Variants in CACNA1I observed in about 807,000 individuals in gnomAD.
The protein encoded by CACNA1I is calcium voltage-gated channel subunit alpha1 I.
A neutral mutation model predicts 201.6 loss-of-function variants in CACNA1I; 74 were observed. The observed-to-expected ratio is 0.37, with a 90% CI of 0.30 to 0.45. The LOEUF (loss-of-function observed/expected upper bound fraction) is 0.45, where lower values mean the gene tolerates loss of function less well. CACNA1I is among the 20% of genes least tolerant of loss of function. The probability of loss-of-function intolerance (pLI) is 1.00; values close to 1 mark genes in which losing one functional copy is unlikely to be tolerated. For synonymous variants in CACNA1I, 1,431 were observed against 1,345.2 expected (o/e 1.06, Z -1.40); for missense variants, 2,346 against 3,138.1 (o/e 0.75, Z 6.03).
intron 1 of CACNA1I, among the ~76,000 whole-genome samples, chr22:39,574,743 T>TC (rs1316668247): frequency 6.6e-6 from 1 of 152,198 alleles, no homozygotes; most frequent in Non-Finnish European, 1.5e-5. Flanking sequence ...GGCGACTCTT[T>TC]CCCCCACTGA....
intron 18 of CACNA1I, 140 bp from the exon 19 acceptor site, chr22:39,663,578 C>T (rs912744180): frequency 6.3e-5 from 61 of 965,132 alleles, no homozygotes; most frequent in African/African-American, 2.8e-4. Context: ...GGTGTAGAGT[C>T]GGCACCTGGC....
chr22:39,612,789 A>G (rs1454680635), intron 3 of CACNA1I, among the ~76,000 whole-genome samples: 1 of 152,184 alleles, frequency 6.6e-6, no homozygotes, highest in Non-Finnish European at 1.5e-5. Context: ...GGCCACAGTC[A>G]AGGGTTAATG....
rs1935811191 is a variant in CACNA1I at position 39,684,861 on chromosome 22, G to GGTGGGTGTGA, written c.6027+369_6027+378dup. On this transcript the variant is annotated intron_variant, in intron 36 of 36. Coordinates refer to ENST00000402142, the MANE Select transcript of CACNA1I (RefSeq NM_021096.4). The surrounding 1 kb of genome is among the most constrained non-coding windows in gnomAD (Gnocchi z 4.6). ...TGGGGAGGACACCCTGGGTGCTCTG[G>GGTGGGTGTGA]GTGGGTGTGAGTGGGGGCTTGATTA... 3 of 510,134 alleles carry GGTGGGTGTGA rather than the reference G, an allele frequency of 5.9e-6. No homozygotes were observed. The highest frequency in any genetic ancestry group is 5.0e-4 in the Middle Eastern group (1 of 1,986). 31.6% of individuals were successfully genotyped at this position (510,134 alleles called of 1,614,324 possible).
At chr22:39,642,910 G>A in intron 7 of CACNA1I, 21 bp downstream of exon 7, 2 of 1,518,134 alleles carry the variant, frequency 1.3e-6, no homozygotes, top group African/African-American at 1.4e-5. Flanking sequence ...GGGAGCCTGG[G>A]CTCCTAGGTG....
At position 39,629,393 on chromosome 22, in the gene CACNA1I, T is replaced by C. The variant is rs2146406006; in HGVS notation, c.581-5172T>C. On this transcript the variant is annotated intron_variant, in intron 4 of 36. Coordinates refer to ENST00000402142, the MANE Select transcript of CACNA1I (RefSeq NM_021096.4). The surrounding 1 kb of genome is among the most constrained non-coding windows in gnomAD (Gnocchi z 4.8). ...CTTGGAGTCGTCCCCAACTGCCCTC[T>C]TCCTCCTACATCCATATCCCATCCC... Among the ~76,000 whole-genome samples, 1 of 152,032 alleles carries C rather than the reference T, an allele frequency of 6.6e-6. No homozygotes were observed. Among genetic ancestry groups the C allele is most frequent in the Non-Finnish European group, 1.5e-5 (1 of 67,976 alleles).
At chr22:39,661,348 G>T in intron 16 of CACNA1I, 38 bp downstream of exon 16, 1 of 1,465,660 alleles carries the variant, frequency 6.8e-7, no homozygotes, top group Non-Finnish European at 9.1e-7. Flanking sequence ...GGCGCTTCCT[G>T]CTGGGGTGTG....
intron 1 of CACNA1I, among the ~76,000 whole-genome samples, chr22:39,585,727 GTTTTTTT>G (rs34320968): frequency 1.2e-5 from 1 of 83,906 alleles, no homozygotes; most frequent in East Asian, 4.2e-4. Context: ...AACTTTTAAA[GTTTTTTT>G]TTTTTTTTTT....
Position 39,677,464 on chromosome 22 carries a change from C to T in CACNA1I, c.4933+45C>T. 2 of 1,351,340 alleles carry T rather than the reference C, an allele frequency of 1.5e-6. No homozygotes were observed. The highest frequency in any genetic ancestry group is 2.0e-6 in the Non-Finnish European group (2 of 998,478). The allele number at this position is 1,351,340 out of a possible 1,614,324, so 83.7% of individuals were successfully genotyped here. On this transcript the variant is annotated intron_variant, in intron 30 of 36. Transcript: ENST00000402142. The surrounding 1 kb of genome is among the most constrained non-coding windows in gnomAD (Gnocchi z 4.8). ...GGCCCGTGGTGGGGGTGCAGCAGGG[C>T]TGCAGGAGGAACTGGGGGGGCGGGG...
At chr22:39,573,959 C>T (rs535406284) in intron 1 of CACNA1I, among the ~76,000 whole-genome samples, 7 of 152,238 alleles carry the variant, frequency 4.6e-5, no homozygotes, top group African/African-American at 1.7e-4. Flanking sequence ...CTGCGCAGAG[C>T]GAGGGTTCCC....
At chr22:39,682,732 G>A in intron 35 of CACNA1I, 71 bp downstream of exon 35, 9 of 1,378,448 alleles carry the variant, frequency 6.5e-6, no homozygotes, top group South Asian at 1.4e-5. Flanking sequence ...GGAGATGGCT[G>A]AGTTTTTTCC....
intron 2 of CACNA1I, among the ~76,000 whole-genome samples, chr22:39,599,280 C>T (rs1569055238): frequency 1.3e-5 from 2 of 149,774 alleles, no homozygotes; most frequent in Non-Finnish European, 3.0e-5. Flanking sequence ...GACTCAGTAG[C>T]TCCCAGGCAG....
intron 1 of CACNA1I, among the ~76,000 whole-genome samples, chr22:39,572,207 G>A (rs1168306433): frequency 6.6e-6 from 1 of 152,178 alleles, no homozygotes; most frequent in East Asian, 1.9e-4. Context: ...GTGTGGCACT[G>A]GCTTGCAGGG....
At position 39,663,840 on chromosome 22, in the gene CACNA1I, C is replaced by T. The variant is rs1208905049; in HGVS notation, c.3596C>T (p.Thr1199Ile). The T allele has an allele frequency of 2.5e-6, 4 of 1,613,408 alleles. No individual in the cohort carries two copies. Among genetic ancestry groups the T allele is most frequent in the Non-Finnish European group, 3.4e-6 (4 of 1,179,802 alleles). ...CGGCCTCAGATCGAGGCCGGCAGCA[C>T]CGTGAGTGGCTGTAGCCTTTGGGCA... ...LERPQIEAGS[T>I]ERIFLTVSNY... Residue 1199 changes from threonine to isoleucine, a missense_variant and splice_region_variant, in exon 19 of 37, where the codon ACC (threonine) becomes ATC (isoleucine). Around this residue, in one of 13 missense-constraint regions of CACNA1I, gnomAD observed 158 missense variants for 231.6 expected, o/e 0.68. Transcript: ENST00000402142.
At chr22:39,634,486 C>T in intron 4 of CACNA1I, 79 bp from the exon 5 acceptor site, 6 of 1,426,092 alleles carry the variant, frequency 4.2e-6, no homozygotes, top group South Asian at 3.4e-5. Context: ...CTCCCTGTTT[C>T]TCTAACCTTG....
chr22:39,635,712 G>A (rs1333337104), intron 5 of CACNA1I, among the ~76,000 whole-genome samples: 1 of 152,124 alleles, frequency 6.6e-6, no homozygotes. Context: ...GCAGGGCCTG[G>A]GGCAGTGGGG....
chr22:39,685,986 C>T lies in CACNA1I; in HGVS notation c.6253C>T (p.Arg2085Cys). The T allele has an allele frequency of 8.0e-7, 1 of 1,248,658 alleles. No homozygotes were observed. The highest frequency in any genetic ancestry group is 1.0e-6 in the Non-Finnish European group (1 of 1,002,274). The allele number at this position is 1,248,658 out of a possible 1,614,324, so 77.3% of individuals were successfully genotyped here. The change falls in exon 37 of 37, where the codon CGC (arginine) becomes TGC (cysteine). Residue 2085 changes from arginine to cysteine, a missense_variant. Physicochemically the swap from Arg to Cys is radical, Grantham distance 180. Around this residue, in one of 13 missense-constraint regions of CACNA1I, gnomAD observed 441 missense variants for 555.6 expected, o/e 0.79. Coordinates refer to ENST00000402142, the MANE Select transcript of CACNA1I (RefSeq NM_021096.4). This position sits in a 1 kb window ranked among gnomAD's most constrained non-coding sequence, Gnocchi z 5.0. ...CCTGCGGGGGCTGCGGGCGCATCAG[C>T]GCAGCCACAGCAGCGGGGGCTCCAC... The part of the protein sequence containing the change: ...FSLRGLRAHQ[R>C]SHSSGGSTSP...
Position 39,640,847 on chromosome 22 carries a change from C to T in CACNA1I, c.741-20C>T. The T allele has an allele frequency of 6.3e-7, 1 of 1,590,872 alleles. No homozygotes were observed. The stretch of plus-strand genomic sequence containing the variant: ...GACCCCTCCCCTTTCCCTCTTTTAC[C>T]CACCCTCGCCTGTGGACAGACAAGG... On this transcript the variant is annotated intron_variant, in intron 5 of 36. Coordinates refer to ENST00000402142, the MANE Select transcript of CACNA1I (RefSeq NM_021096.4).
intron 5 of CACNA1I, 64 bp downstream of exon 5, chr22:39,634,788 T>G (rs1196741342): frequency 2.6e-6 from 4 of 1,511,962 alleles, no homozygotes; most frequent in Non-Finnish European, 2.7e-6. Context: ...GTTTTAACCT[T>G]CTGGGTCATT....
chr22:39,656,748 C>G (rs1389619335), intron 10 of CACNA1I: 1 of 519,050 alleles, frequency 1.9e-6, no homozygotes, highest in African/African-American at 1.9e-5. Flanking sequence ...TGCCTTTGCC[C>G]TGCCACATCC....
Sources: allele counts gnomAD v4.1 joint callset (sites outside exome capture counted in the v4.1 genomes callset), GRCh38; gene constraint gnomAD v4.1.1; regional missense constraint gnomAD v4.1.1; non-coding constraint Gnocchi (gnomAD v3.1); transcripts MANE v1.5; gene names NCBI Gene and HGNC (gene_info 2026-07-23, HGNC 2026-07-21).